The following SOS1 variants were observed in gnomAD, a reference collection of about 807,000 sequenced individuals.
The protein encoded by SOS1 is SOS Ras/Rac guanine nucleotide exchange factor 1.
SOS1 carries 25 observed loss-of-function variants against 157.6 expected under a neutral mutation model. The observed-to-expected ratio is 0.16, with a 90% confidence interval of 0.12 to 0.22. The LOEUF is 0.22. SOS1 is among the 10% of genes least tolerant of loss of function. The probability of loss-of-function intolerance (pLI) is 1.00; values close to 1 mark genes in which losing one functional copy is unlikely to be tolerated. For missense variants in SOS1, 1,237 were observed against 1,599.1 expected (o/e 0.77, Z 3.86); for synonymous variants, 528 against 534.0 (o/e 0.99, Z 0.16).
intron 1 of SOS1, among the ~76,000 whole-genome samples, chr2:39,113,221 C>CACTCTGTA (rs1271383190): frequency 6.6e-6 from 1 of 152,102 alleles, no homozygotes; most frequent in Non-Finnish European, 1.5e-5. Context: ...GACACAGTCT[C>CACTCTGTA]ACTCTGTAAC....
At chr2:39,063,798 C>G (rs1266719849) in intron 2 of SOS1, among the ~76,000 whole-genome samples, 1 of 152,116 alleles carries the variant, frequency 6.6e-6, no homozygotes, top group Non-Finnish European at 1.5e-5. Context: ...TATGCTTATA[C>G]TTTAAAGCAA....
rs192179780 is a variant in SOS1, at chr2:39,117,204, T to C, written c.87+3132A>G. ...CCACCACGCCAGGCTAATTTTTGTATTTTTTAGTAGAGATGGGGTTTCACC... is the reference window on the plus strand; with the variant it reads ...CCACCACGCCAGGCTAATTTTTGTACTTTTTAGTAGAGATGGGGTTTCACC... On this transcript the variant is annotated intron_variant, in intron 1 of 22. Transcript: ENST00000402219. Among the ~76,000 whole-genome samples, 241 of 152,040 alleles carry C rather than the reference T, an allele frequency of 1.6e-3. 2 individuals are homozygous for C. In the East Asian group the frequency reaches 0.019, roughly 12 times the overall value.
At chr2:39,036,395 G>C (rs1440936546) in intron 6 of SOS1, among the ~76,000 whole-genome samples, 1 of 152,044 alleles carries the variant, frequency 6.6e-6, no homozygotes, top group Non-Finnish European at 1.5e-5. Context: ...CTGTCACCCA[G>C]GCTAGAGTGC....
chr2:39,078,542 G>A (rs1180955664), intron 1 of SOS1, among the ~76,000 whole-genome samples: 6 of 151,916 alleles, frequency 3.9e-5, no homozygotes, highest in East Asian at 3.9e-4. Context: ...GCAGCCTACC[G>A]GGGAGCATTA....
intron 8 of SOS1, among the ~76,000 whole-genome samples, chr2:39,025,906 A>G (rs577828228): frequency 6.6e-5 from 10 of 152,344 alleles, no homozygotes; most frequent in African/African-American, 2.2e-4. Context: ...TTAATGGTCA[A>G]ATATTCTAGA....
intron 4 of SOS1, among the ~76,000 whole-genome samples, chr2:39,055,997 T>C (rs1418764273): frequency 6.6e-6 from 1 of 152,232 alleles, no homozygotes; most frequent in African/African-American, 2.4e-5. Context: ...TTATTATTAT[T>C]ATTGTAAAAC....
chr2:39,056,920 C>T (rs967580838), intron 3 of SOS1, 54 bp from the exon 4 acceptor site: 2 of 1,233,794 alleles, frequency 1.6e-6, no homozygotes, highest in South Asian at 1.2e-5. Flanking sequence ...ACATTTAACA[C>T]ACTGATTAAA....
intron 6 of SOS1, among the ~76,000 whole-genome samples, chr2:39,050,867 A>G (rs1039835773): frequency 6.6e-6 from 1 of 152,158 alleles, no homozygotes; most frequent in Non-Finnish European, 1.5e-5. Flanking sequence ...ATTCATTGAC[A>G]TTTCTTAACG....
chr2:39,079,395 T>C (rs1292414668), intron 1 of SOS1, among the ~76,000 whole-genome samples: 2 of 152,114 alleles, frequency 1.3e-5, no homozygotes, highest in Admixed American at 6.6e-5. Flanking sequence ...ATTTAAGTAG[T>C]TGATTAATCT....
intron 10 of SOS1, among the ~76,000 whole-genome samples, chr2:39,018,341 A>T (rs1238944090): frequency 6.6e-6 from 1 of 151,840 alleles, no homozygotes; most frequent in Admixed American, 6.6e-5. Flanking sequence ...ATTAGAGATA[A>T]CATTACTTTG....
At chr2:38,996,336 C>G (rs139858455) in intron 19 of SOS1, among the ~76,000 whole-genome samples, 6 of 152,154 alleles carry the variant, frequency 3.9e-5, no homozygotes. Flanking sequence ...ATGATCCACC[C>G]GCCTCAGCTT....
intron 1 of SOS1, among the ~76,000 whole-genome samples, chr2:39,115,399 TCTCTCTC>T (rs1463703926): frequency 4.5e-5 from 5 of 110,270 alleles, no homozygotes; most frequent in Admixed American, 2.2e-4. Context: ...TCAAATTTGT[TCTCTCTC>T]TTTTTTTTTT....
At chr2:39,051,370 A>G in intron 5 of SOS1, 83 bp from the exon 6 acceptor site, 1 of 1,253,680 alleles carries the variant, frequency 8.0e-7, no homozygotes, top group Non-Finnish European at 1.2e-6. Context: ...GTCATTTTAT[A>G]ATCACAAAAT....
chr2:39,045,181 CCA>C (rs1458143460), intron 6 of SOS1, among the ~76,000 whole-genome samples: 1 of 149,590 alleles, frequency 6.7e-6, no homozygotes, highest in Non-Finnish European at 1.5e-5. Flanking sequence ...TCGGTTGAAT[CCA>C]CAGAGGTGGA....
Position 38,986,204 on chromosome 2 carries a change from G to A in SOS1, c.3622C>T (p.Pro1208Ser), listed in dbSNP as rs1486557873. Residue 1208 changes from proline to serine, a missense_variant, in exon 23 of 23, where the codon CCT becomes TCT. Physicochemically the swap from Pro to Ser is moderately conservative, Grantham distance 74 (BLOSUM62 -1). Transcript: ENST00000402219. ...ISDRTSISDPPESPPLLPPRE... is the reference protein window; with the variant it reads ...ISDRTSISDPSESPPLLPPRE... Reference sequence around the variant, plus strand: ...GGTGGTAATAAGGGAGGGCTTTCAGGAGGGTCTGAGATAGAGGTCCGGTCT... The same window carrying A: ...GGTGGTAATAAGGGAGGGCTTTCAGAAGGGTCTGAGATAGAGGTCCGGTCT... The A allele has an allele frequency of 1.9e-6, 3 of 1,613,982 alleles. No individual in the cohort carries two copies.
chr2:39,066,881 C>T lies in SOS1; in HGVS notation c.213+747G>A, dbSNP rs555439476. The stretch of plus-strand genomic sequence containing the variant: ...AGAAATGCTTGGACATATGCCACTC[C>T]TAAAGGTATGGGTATATCATTCTAT... On this transcript the variant is annotated intron_variant, in intron 2 of 22. Transcript: ENST00000402219. 2.6e-5 allele frequency among the ~76,000 whole-genome samples: 4 copies of T among 152,278 alleles called. No individual in the cohort carries two copies. The South Asian group carries it at 8.3e-4, about 32-fold the overall frequency.
At chr2:39,049,146 G>C (rs1183833752) in intron 6 of SOS1, among the ~76,000 whole-genome samples, 1 of 152,116 alleles carries the variant, frequency 6.6e-6, no homozygotes, top group Non-Finnish European at 1.5e-5. Context: ...TTGAACTCCT[G>C]ACCTCAGGTG....
At chr2:39,105,658 G>A (rs954209740) in intron 1 of SOS1, among the ~76,000 whole-genome samples, 1 of 152,166 alleles carries the variant, frequency 6.6e-6, no homozygotes, top group Admixed American at 6.5e-5. Context: ...AGCACTTTGG[G>A]AGGCCGAGGT....
intron 10 of SOS1, among the ~76,000 whole-genome samples, chr2:39,017,498 C>T (rs1002966348): frequency 3.9e-5 from 6 of 151,976 alleles, no homozygotes; most frequent in Non-Finnish European, 7.4e-5. Context: ...AGGGTTTCTG[C>T]AGCTGGCAGT....
Sources: gnomAD v4.1 joint callset for allele counts (sites outside exome capture counted in the v4.1 genomes callset) on GRCh38, gnomAD v4.1.1 for gene constraint, MANE v1.5 for transcripts, NCBI Gene and HGNC (gene_info 2026-07-23, HGNC 2026-07-21) for gene names.